Variants in FXYD3 observed in about 807,000 individuals in gnomAD.
FXYD3 encodes the protein FXYD domain containing ion transport regulator 3.
In FXYD3, 13 loss-of-function variants were observed where a neutral mutation model predicts 19.2. The ratio of observed to expected loss-of-function variants is 0.68; its 90% CI spans 0.44 to 1.08. The LOEUF (loss-of-function observed/expected upper bound fraction) is 1.08. Ranked by LOEUF, FXYD3 falls within the 50% of genes least tolerant of loss-of-function variation. The pLI is 0.00. For synonymous variants in FXYD3, 48 were observed against 38.9 expected, an observed-to-expected ratio of 1.23 and a Z score of -0.87; for missense variants, 101 against 109.4, an observed-to-expected ratio of 0.92 and a Z score of 0.34.
At chr19:35,123,112 G>A (rs1262185215) in intron 7 of FXYD3, 158 bp downstream of exon 7, 1 of 1,462,852 alleles carries the variant, frequency 6.8e-7, no homozygotes, top group Non-Finnish European at 9.0e-7. Flanking sequence ...TAATCCCCAG[G>A]GGGCCCCAAA....
intron 2 of FXYD3, chr19:35,116,681 G>T: frequency 1.0e-6 from 1 of 985,280 alleles, no homozygotes; most frequent in Middle Eastern, 5.2e-4. Flanking sequence ...AGGAGAGGGG[G>T]TGCCTGGGTA....
chr19:35,119,908 G>C (rs141045432), intron 3 of FXYD3: 1 of 162,202 alleles, frequency 6.2e-6, no homozygotes, highest in East Asian at 1.8e-4. Flanking sequence ...GGCTGAGTTT[G>C]ATCCTCCCAC....
At chr19:35,121,305 GT>G in intron 5 of FXYD3, 60 bp downstream of exon 5, 2 of 1,614,156 alleles carry the variant, frequency 1.2e-6, no homozygotes, top group Non-Finnish European at 1.7e-6. Context: ...GGTGCCAAGG[GT>G]TCCCATACAG....
intron 3 of FXYD3, among the ~76,000 whole-genome samples, chr19:35,120,392 G>A (rs543787293): frequency 2.6e-5 from 4 of 152,060 alleles, no homozygotes; most frequent in African/African-American, 7.2e-5. Flanking sequence ...CTCCTGCCTC[G>A]GCCTTCCAAA....
rs181593173 is a variant in FXYD3, at chr19:35,116,298, A to C, written c.-76A>C. 1.2e-4 allele frequency: 120 copies of C among 985,492 alleles called. No individual in the cohort carries two copies. In the African/African-American group the frequency reaches 1.8e-3, roughly 15 times the overall value. The allele number at this position is 985,492 out of a possible 1,614,324, so 61.0% of individuals were successfully genotyped here. On this transcript the variant is annotated 5_prime_UTR_variant, in exon 2 of 9. Coordinates refer to ENST00000604404, the MANE Select transcript of FXYD3 (RefSeq NM_005971.4). The stretch of plus-strand genomic sequence containing the variant: ...GGGCGTGGCAGCTTCGGATAAACGC[A>C]GGACTCCGCCTGGCAGCCCGATTTC...
At position 35,121,162 on chromosome 19, in the gene FXYD3, G is replaced by A. The variant is rs754708508; in HGVS notation, c.73+52G>A. On this transcript the variant is annotated intron_variant, in intron 4 of 8. Transcript: ENST00000604404. ...CACACCCCCAAATTCTCCCCTGGGT[G>A]GGGAAGGCCTGCATCCTGGCTGTAA... 3.1e-6 allele frequency: 5 copies of A among 1,614,002 alleles called. No individual in the cohort carries two copies. The East Asian group carries it at 6.7e-5, about 22-fold the overall frequency.
intron 3 of FXYD3, among the ~76,000 whole-genome samples, chr19:35,120,580 T>C (rs994975309): frequency 6.6e-6 from 1 of 152,236 alleles, no homozygotes; most frequent in African/African-American, 2.4e-5. Context: ...AGGGTAGTGA[T>C]CTAAAATTAC....
chr19:35,117,187 A>C, intron 2 of FXYD3: 30 of 1,393,364 alleles, frequency 2.2e-5, no homozygotes, highest in Non-Finnish European at 2.3e-5. Flanking sequence ...TGAATGGGGA[A>C]CGTGAGGGCA....
Position 35,123,729 on chromosome 19 carries a change from G to A in FXYD3, c.*272G>A. On this transcript the variant is annotated 3_prime_UTR_variant, in exon 9 of 9. Coordinates refer to ENST00000604404, the MANE Select transcript of FXYD3 (RefSeq NM_005971.4). ...ACCATGAGAAGGTTGGCGTGCCCTGGAGGCTGACACAGAGGCTGGCACTGA... is the reference window on the plus strand; with the variant it reads ...ACCATGAGAAGGTTGGCGTGCCCTGAAGGCTGACACAGAGGCTGGCACTGA... 1 of 548,922 alleles carries A rather than the reference G, an allele frequency of 1.8e-6. No individual in the cohort carries two copies. The highest frequency in any genetic ancestry group is 3.3e-6 in the Non-Finnish European group (1 of 306,360). 34.0% of individuals were successfully genotyped at this position (548,922 alleles called of 1,614,324 possible).
At position 35,123,452 on chromosome 19, in the gene FXYD3, A is replaced by C. The variant is rs888643572; in HGVS notation, c.259A>C (p.Ser87Arg). ...ATCACTTCCCGCAGGCTCAGCCCAA[A>C]GCTGATGAGGACAGACCAGCTGAAA... Reference protein sequence around the residue: ...PPLITPGSAQS With the variant: ...PPLITPGSAQR Residue 87 changes from serine (S) to arginine (R), a missense_variant, in exon 9 of 9, where the codon AGC becomes CGC. Transcript: ENST00000604404. 1.9e-6 allele frequency: 3 copies of C among 1,614,100 alleles called. No homozygotes were observed. Among genetic ancestry groups the C allele is most frequent in the Non-Finnish European group, 2.5e-6 (3 of 1,179,990 alleles).
intron 3 of FXYD3, chr19:35,119,701 GTC>G (rs1185156896): frequency 8.0e-6 from 4 of 499,536 alleles, no homozygotes; most frequent in African/African-American, 1.9e-5. Flanking sequence ...TTGAAAGGGA[GTC>G]TCTGTTGCTC....
chr19:35,116,608 G>A lies in FXYD3; in HGVS notation c.-15+249G>A, dbSNP rs2064890749. 3 of 985,322 alleles carry A rather than the reference G, an allele frequency of 3.0e-6. No homozygotes were observed. The African/African-American group carries it at 5.2e-5, about 17-fold the overall frequency. 61.0% of individuals were successfully genotyped at this position (985,322 alleles called of 1,614,324 possible). ...AGGGCAGGACTGATAAGTGTGGTTG[G>A]GGTGTCTGAAAGACTAGTGTCTGCA... On this transcript the variant is annotated intron_variant, in intron 2 of 8. Coordinates refer to ENST00000604404, the MANE Select transcript of FXYD3 (RefSeq NM_005971.4).
chr19:35,116,495 G>A, intron 2 of FXYD3, 136 bp downstream of exon 2: 1 of 985,486 alleles, frequency 1.0e-6, no homozygotes, highest in Non-Finnish European at 1.2e-6. Context: ...ATGCTTTTCT[G>A]GAGCCAGGAG....
chr19:35,117,229 A>G (rs528762712), intron 2 of FXYD3: 2 of 1,451,558 alleles, frequency 1.4e-6, no homozygotes, highest in South Asian at 3.0e-5. Flanking sequence ...CAGCCTCCGG[A>G]AGCATGGGAC....
Position 35,121,210 on chromosome 19 carries a change from C to T in FXYD3, c.74-12C>T, listed in dbSNP as rs757022740. The T allele has an allele frequency of 6.2e-7, 1 of 1,613,552 alleles. No homozygotes were observed. Among genetic ancestry groups the T allele is most frequent in the African/African-American group, 1.3e-5 (1 of 74,980 alleles). On this transcript the variant is annotated splice_polypyrimidine_tract_variant and intron_variant, in intron 4 of 8. Transcript: ENST00000604404. ...TAATCCTGGATTCATGATCTTTTTT[C>T]TTTCCTTGCAGATAAAAACAGTCCT... is the stretch of plus-strand genomic sequence containing the variant.
chr19:35,122,664 C>T, intron 5 of FXYD3, 101 bp from the exon 6 acceptor site: 2 of 950,128 alleles, frequency 2.1e-6, no homozygotes, highest in East Asian at 4.8e-5. Context: ...TCCCCAGCAC[C>T]CTGTGCATCC....
intron 2 of FXYD3, chr19:35,117,100 A>T: frequency 1.0e-6 from 1 of 985,360 alleles, no homozygotes; most frequent in Non-Finnish European, 1.2e-6. Flanking sequence ...CATCAGCTGC[A>T]GGGCTGCCTT....
At chr19:35,121,027 T>C (rs763090291) in intron 3 of FXYD3, 51 bp from the exon 4 acceptor site, 2 of 1,609,350 alleles carry the variant, frequency 1.2e-6, no homozygotes, top group Non-Finnish European at 1.7e-6. Flanking sequence ...CCCAAAGGCT[T>C]GGCTGAGGCC....
chr19:35,119,131 C>T (rs1198926099), intron 2 of FXYD3: 2 of 1,452,830 alleles, frequency 1.4e-6, no homozygotes, highest in Non-Finnish European at 1.9e-6. Context: ...GCCTGAAGTC[C>T]ATGTCCAGTG....
Sources: gnomAD v4.1 joint callset for allele counts (sites outside exome capture counted in the v4.1 genomes callset) on GRCh38, gnomAD v4.1.1 for gene constraint, MANE v1.5 for transcripts, NCBI Gene and HGNC (gene_info 2026-07-23, HGNC 2026-07-21) for gene names.